Variants in SHISA9 observed in about 807,000 individuals in gnomAD.
SHISA9 encodes shisa family member 9.
In SHISA9, 13 loss-of-function variants were observed where a neutral mutation model predicts 38.0. That is an observed-to-expected ratio of 0.34 (90% CI 0.22 to 0.54). The LOEUF is 0.54. SHISA9 is among the 20% of genes least tolerant of loss of function. The probability of loss-of-function intolerance (pLI) is 0.91; values close to 1 mark genes in which losing one functional copy is unlikely to be tolerated. For missense variants in SHISA9, 538 were observed against 575.8 expected (o/e 0.93, Z 0.67); for synonymous variants, 275 against 242.0 (o/e 1.14, Z -1.27).
chr16:13,153,290 A>G (rs563392037), intron 2 of SHISA9, among the ~76,000 whole-genome samples: 1 of 152,172 alleles, frequency 6.6e-6, no homozygotes, highest in Non-Finnish European at 1.5e-5. Flanking sequence ...AACAAAAAAA[A>G]CCACATGCCT....
chr16:13,163,123 G>T (rs879401105), intron 2 of SHISA9, among the ~76,000 whole-genome samples: 1 of 152,118 alleles, frequency 6.6e-6, no homozygotes, highest in Non-Finnish European at 1.5e-5. Flanking sequence ...TAGCTTACCT[G>T]AGTCTCAGTT....
At chr16:12,979,117 C>T (rs181482184) in intron 2 of SHISA9, among the ~76,000 whole-genome samples, 3 of 152,344 alleles carry the variant, frequency 2.0e-5, no homozygotes, top group East Asian at 1.9e-4. Flanking sequence ...ACACCACCCT[C>T]TCCTTGATTG....
the SHISA9 span, among the ~76,000 whole-genome samples, chr16:13,299,204 G>A: frequency 2.0e-4 from 30 of 152,286 alleles, no homozygotes; most frequent in African/African-American, 6.7e-4. Flanking sequence ...GTGGCTAAGG[G>A]TGTAAAACTT....
chr16:13,079,584 A>G (rs543283372), intron 2 of SHISA9, among the ~76,000 whole-genome samples: 1 of 152,340 alleles, frequency 6.6e-6, no homozygotes, highest in South Asian at 2.1e-4. Context: ...TGCTTGTGCC[A>G]ATCATAAACA....
the SHISA9 span, among the ~76,000 whole-genome samples, chr16:13,434,771 A>T: frequency 2.6e-5 from 4 of 152,198 alleles, no homozygotes; most frequent in Non-Finnish European, 5.9e-5. Context: ...CATTAGAATG[A>T]AGAATAAATG....
the SHISA9 span, among the ~76,000 whole-genome samples, chr16:13,297,906 G>A: frequency 9.2e-5 from 14 of 152,208 alleles, no homozygotes; most frequent in Non-Finnish European, 1.5e-4. Context: ...AGAGTCATGC[G>A]CCACCACGTC....
At chr16:13,094,502 G>T (rs143370341) in intron 2 of SHISA9, among the ~76,000 whole-genome samples, 1 of 151,992 alleles carries the variant, frequency 6.6e-6, no homozygotes, top group Non-Finnish European at 1.5e-5. Context: ...TGACTGCTCC[G>T]GTTGTAACTG....
In SHISA9 at chr16:12,939,535, G is replaced by A. The variant is rs190312664; in HGVS notation, c.691+22720G>A. Among the ~76,000 whole-genome samples, 407 of 152,256 alleles carry A rather than the reference G, an allele frequency of 2.7e-3. 1 individual carries two copies. Among genetic ancestry groups the A allele is most frequent in the Admixed American group, 4.3e-3 (66 of 15,294 alleles). Reference sequence around the variant, plus strand: ...CCTGCAGTTGACTATGAGAATGAGCGTGGACCATAGTTCTCATTTATGATT... The same window carrying A: ...CCTGCAGTTGACTATGAGAATGAGCATGGACCATAGTTCTCATTTATGATT... On this transcript the variant is annotated intron_variant, in intron 2 of 4. Coordinates refer to ENST00000558583, the MANE Select transcript of SHISA9 (RefSeq NM_001145204.3).
the SHISA9 span, among the ~76,000 whole-genome samples, chr16:13,507,638 CTGAG>C: frequency 1.3e-5 from 2 of 152,248 alleles, no homozygotes; most frequent in African/African-American, 4.8e-5. Context: ...TGCCAAAACT[CTGAG>C]TGTGGTTGAA....
At chr16:13,528,575 G>T in the SHISA9 span, among the ~76,000 whole-genome samples, 29,792 of 152,002 alleles carry the variant, frequency 0.2, 3,263 homozygotes, top group South Asian at 0.38. Context: ...AGAAAGAAAG[G>T]CATTTTTTTG....
At chr16:13,244,567 A>G (rs889954530), downstream of SHISA9, among the ~76,000 whole-genome samples, 1 of 152,248 alleles carries the variant, frequency 6.6e-6, no homozygotes. Flanking sequence ...ATACATACAT[A>G]AAATACACAT....
chr16:12,979,136 G>A (rs181195326), intron 2 of SHISA9, among the ~76,000 whole-genome samples: 6 of 152,218 alleles, frequency 3.9e-5, no homozygotes, highest in Admixed American at 3.9e-4. Flanking sequence ...TGTTCCCATC[G>A]CTCCTGCCTT....
chr16:13,447,751 A>C, the SHISA9 span, among the ~76,000 whole-genome samples: 2 of 152,240 alleles, frequency 1.3e-5, no homozygotes, highest in Non-Finnish European at 2.9e-5. Flanking sequence ...CATACTGCAT[A>C]CACACAAAAA....
At chr16:13,257,447 G>A in the SHISA9 span, among the ~76,000 whole-genome samples, 1 of 152,150 alleles carries the variant, frequency 6.6e-6, no homozygotes, top group African/African-American at 2.4e-5. Flanking sequence ...TGGGGACTGG[G>A]ACAATATCGG....
chr16:13,059,349 A>G lies in SHISA9; in HGVS notation c.691+142534A>G, dbSNP rs370408129. On this transcript the variant is annotated intron_variant, in intron 2 of 4. Coordinates refer to ENST00000558583, the MANE Select transcript of SHISA9 (RefSeq NM_001145204.3). ...TCACTGTGTTAGCCAGGATGGTCTC[A>G]ATCTCCTGACCTCGTGATCTGCCCA... is the stretch of plus-strand genomic sequence containing the variant. Among the ~76,000 whole-genome samples the G allele has an allele frequency of 4.9e-3, 739 of 151,970 alleles. 4 individuals are homozygous for G. Among genetic ancestry groups the G allele is most frequent in the Non-Finnish European group, 8.7e-3 (593 of 67,930 alleles).
the SHISA9 span, among the ~76,000 whole-genome samples, chr16:13,392,407 T>C: frequency 6.6e-6 from 1 of 152,216 alleles, no homozygotes; most frequent in Non-Finnish European, 1.5e-5. Context: ...CTTAAATATA[T>C]ACATTTAAAA....
At chr16:13,110,495 TC>T (rs1411036807) in intron 2 of SHISA9, among the ~76,000 whole-genome samples, 3 of 152,206 alleles carry the variant, frequency 2.0e-5, no homozygotes, top group Non-Finnish European at 4.4e-5. Flanking sequence ...GCTCCCTGTT[TC>T]TCTGGGACAA....
At chr16:13,083,550 C>T (rs1302042918) in intron 2 of SHISA9, among the ~76,000 whole-genome samples, 1 of 152,128 alleles carries the variant, frequency 6.6e-6, no homozygotes, top group Non-Finnish European at 1.5e-5. Flanking sequence ...GAAAGGAGAC[C>T]AGCTAGGTCA....
the SHISA9 span, among the ~76,000 whole-genome samples, chr16:13,389,965 G>A: frequency 2.0e-5 from 3 of 152,082 alleles, no homozygotes; most frequent in Non-Finnish European, 2.9e-5. Flanking sequence ...TTACTTCTAA[G>A]GACAATACTG....
Sources: allele counts gnomAD v4.1 joint callset (sites outside exome capture counted in the v4.1 genomes callset), GRCh38; gene constraint gnomAD v4.1.1; transcripts MANE v1.5; gene names NCBI Gene and HGNC (gene_info 2026-07-23, HGNC 2026-07-21).